GABRG2: variants seen among roughly 807,000 people sequenced by gnomAD.
The protein encoded by GABRG2 is gamma-aminobutyric acid type A receptor subunit gamma2, also known as gamma-aminobutyric acid receptor subunit gamma-2.
A neutral mutation model predicts 56.4 loss-of-function variants in GABRG2; 16 were observed. The ratio of observed to expected loss-of-function variants is 0.28; its 90% CI spans 0.19 to 0.43. The LOEUF is 0.43. Ranked by LOEUF, GABRG2 falls within the 20% of genes least tolerant of loss-of-function variation. GABRG2 has a pLI of 1.00. For missense variants in GABRG2, 327 were observed against 582.7 expected (o/e 0.56, Z 4.52); for synonymous variants, 208 against 205.5 (o/e 1.01, Z -0.10).
At chr5:162,069,325 A>C (rs1299464794) in intron 1 of GABRG2, among the ~76,000 whole-genome samples, 1 of 152,202 alleles carries the variant, frequency 6.6e-6, no homozygotes, top group Non-Finnish European at 1.5e-5. Context: ...CTCATATCCT[A>C]CCAATATAAA....
At chr5:162,121,095 C>A (rs555811667) in intron 6 of GABRG2, among the ~76,000 whole-genome samples, 7 of 152,196 alleles carry the variant, frequency 4.6e-5, no homozygotes, top group Non-Finnish European at 8.8e-5. Context: ...ACTGAAACCT[C>A]CCTCTGTCAA....
At chr5:162,104,345 G>C (rs1262656820) in intron 6 of GABRG2, among the ~76,000 whole-genome samples, 2 of 152,100 alleles carry the variant, frequency 1.3e-5, no homozygotes, top group African/African-American at 4.8e-5. Context: ...GTTTCATAAT[G>C]TAGTGAAATC....
chr5:162,102,725 G>A lies in GABRG2; in HGVS notation c.632-1164G>A, dbSNP rs34281163. ...TCTGTATTTTTTGTAGAGATGGGGCGTCGCCATGTTGCCCAAGCTGGATAT... is the reference window on the plus strand; with the variant it reads ...TCTGTATTTTTTGTAGAGATGGGGCATCGCCATGTTGCCCAAGCTGGATAT... On this transcript the variant is annotated intron_variant, in intron 5 of 9. Transcript: ENST00000639213. 0.14 allele frequency: 55,765 copies of A among 391,046 alleles called. 4,661 individuals carry two copies. The highest frequency in any genetic ancestry group is 0.18 in the Non-Finnish European group (35,587 of 194,008). 24.2% of individuals were successfully genotyped at this position (391,046 alleles called of 1,614,324 possible).
chr5:162,121,020 T>C (rs1377228378), intron 6 of GABRG2, among the ~76,000 whole-genome samples: 1 of 152,148 alleles, frequency 6.6e-6, no homozygotes, highest in African/African-American at 2.4e-5. Flanking sequence ...ATTCCAGTGT[T>C]AATAAGTTTA....
intron 1 of GABRG2, among the ~76,000 whole-genome samples, chr5:162,074,599 TAGG>T: frequency 6.6e-6 from 1 of 152,198 alleles, no homozygotes; most frequent in South Asian, 2.1e-4. Flanking sequence ...ATAATCTTGA[TAGG>T]AAAAAATGAT....
At chr5:162,107,102 A>G (rs1189722139) in intron 6 of GABRG2, among the ~76,000 whole-genome samples, 4 of 152,112 alleles carry the variant, frequency 2.6e-5, no homozygotes, top group Non-Finnish European at 5.9e-5. Context: ...GAGAACATGC[A>G]GTATTTGGTT....
rs1383679818 is a variant in GABRG2 at position 162,109,416 on chromosome 5, A to ATTTATTTATT, written c.769+5391_769+5392insTTATTTATTT. 3.8e-3 allele frequency among the ~76,000 whole-genome samples: 332 copies of ATTTATTTATT among 87,534 alleles called. 2 individuals carry two copies. Among genetic ancestry groups the ATTTATTTATT allele is most frequent in the African/African-American group, 0.012 (320 of 26,450 alleles). 57.4% of individuals were successfully genotyped at this position (87,534 alleles called of 152,430 possible). ...TATATATATATATATATATATATAT[A>ATTTATTTATT]TATATATTTATTTATATAAAATGAA... On this transcript the variant is annotated intron_variant, in intron 6 of 9. Coordinates refer to ENST00000639213, the MANE Select transcript of GABRG2 (RefSeq NM_198904.4).
intron 5 of GABRG2, chr5:162,101,683 A>G (rs181069477): frequency 7.4e-6 from 2 of 268,700 alleles, no homozygotes; most frequent in South Asian, 8.3e-5. Flanking sequence ...TGGGCCTAGG[A>G]AGGGACTATA....
chr5:162,150,494 T>A (rs866741942), intron 8 of GABRG2: 2 of 152,180 alleles, frequency 1.3e-5, no homozygotes, highest in Non-Finnish European at 2.9e-5. Flanking sequence ...GGAGAGCACA[T>A]AGTTACCCAT....
chr5:162,127,848 G>A (rs1763453454), intron 6 of GABRG2, among the ~76,000 whole-genome samples: 1 of 152,006 alleles, frequency 6.6e-6, no homozygotes, highest in Admixed American at 6.6e-5. Flanking sequence ...GTAACTTAAA[G>A]TCATACACTT....
chr5:162,100,331 A>G (rs1403945042), intron 4 of GABRG2: 1 of 152,196 alleles, frequency 6.6e-6, no homozygotes, highest in African/African-American at 2.4e-5. Context: ...TTAAAAATAA[A>G]TTTTCCTAAA....
chr5:162,146,013 G>A (rs564982305), intron 7 of GABRG2, among the ~76,000 whole-genome samples: 1 of 151,044 alleles, frequency 6.6e-6, no homozygotes, highest in Non-Finnish European at 1.5e-5. Context: ...ACAAGGTATT[G>A]GTACCCTATG....
At chr5:162,084,083 T>C (rs2113218947) in intron 1 of GABRG2, among the ~76,000 whole-genome samples, 1 of 151,962 alleles carries the variant, frequency 6.6e-6, no homozygotes, top group Admixed American at 6.6e-5. Context: ...AGCTTGCTCT[T>C]GTTCTCTTCA....
chr5:162,085,041 T>C (rs2113225670), intron 1 of GABRG2, among the ~76,000 whole-genome samples: 1 of 152,076 alleles, frequency 6.6e-6, no homozygotes, highest in Non-Finnish European at 1.5e-5. Flanking sequence ...TGTTAGTGTG[T>C]AGTGTGCAAG....
At chr5:162,091,951 T>A (rs755563394) in intron 1 of GABRG2, among the ~76,000 whole-genome samples, 58 of 152,204 alleles carry the variant, frequency 3.8e-4, no homozygotes, top group Non-Finnish European at 7.1e-4. Flanking sequence ...AAAGGCACTT[T>A]TGCAAGAACA....
At chr5:162,097,494 A>T in intron 3 of GABRG2, 144 bp from the exon 4 acceptor site, 2 of 681,442 alleles carry the variant, frequency 2.9e-6, no homozygotes, top group Non-Finnish European at 5.1e-6. Flanking sequence ...CCTCCTCAGC[A>T]AAACTCTAGC....
intron 6 of GABRG2, among the ~76,000 whole-genome samples, chr5:162,120,360 A>G (rs1762901848): frequency 2.0e-5 from 3 of 152,114 alleles, no homozygotes. Flanking sequence ...CTAGGAGAAT[A>G]TAATATAATA....
chr5:162,118,426 G>A (rs527602099), intron 6 of GABRG2, among the ~76,000 whole-genome samples: 10 of 151,890 alleles, frequency 6.6e-5, no homozygotes, highest in Non-Finnish European at 1.3e-4. Flanking sequence ...CTTGATCAAG[G>A]ACATTTAAAA....
chr5:162,141,688 C>A (rs1376325272), intron 6 of GABRG2, among the ~76,000 whole-genome samples: 1 of 152,128 alleles, frequency 6.6e-6, no homozygotes, highest in Non-Finnish European at 1.5e-5. Flanking sequence ...GTTATAAATT[C>A]TGAGTAAAAT....
Sources: gnomAD v4.1 joint callset for allele counts (sites outside exome capture counted in the v4.1 genomes callset) on GRCh38, gnomAD v4.1.1 for gene constraint, MANE v1.5 for transcripts, NCBI Gene and HGNC (gene_info 2026-07-23, HGNC 2026-07-21) for gene names.